The following NECAB2 variants were observed in gnomAD, a reference collection of about 807,000 sequenced individuals.
NECAB2 encodes the protein N-terminal EF-hand calcium-binding protein 2.
In NECAB2, 68 loss-of-function variants were observed where a neutral mutation model predicts 51.9. The ratio of observed to expected loss-of-function variants is 1.31; its 90% CI spans 1.08 to 1.60. NECAB2 has a LOEUF of 1.60. Ranked by LOEUF, NECAB2 falls within the 40% of genes most tolerant of loss-of-function variation. The probability of loss-of-function intolerance (pLI) is 0.00; values close to 1 mark genes in which losing one functional copy is unlikely to be tolerated. For synonymous variants in NECAB2, 329 were observed against 203.5 expected, an observed-to-expected ratio of 1.62 and a Z score of -5.25; for missense variants, 854 against 490.3, an observed-to-expected ratio of 1.74 and a Z score of -7.00.
At position 83,998,416 on chromosome 16, in the gene NECAB2, G is replaced by A. The variant is rs1165290963; in HGVS notation, c.962+99G>A. 6 of 1,144,424 alleles carry A rather than the reference G, an allele frequency of 5.2e-6. No homozygotes were observed. The African/African-American group carries it at 6.1e-5, about 12-fold the overall frequency. The allele number at this position is 1,144,424 out of a possible 1,614,324, so 70.9% of individuals were successfully genotyped here. On this transcript the variant is annotated intron_variant, in intron 10 of 12. Coordinates refer to ENST00000305202, the MANE Select transcript of NECAB2 (RefSeq NM_019065.3). ...CTAGGCTTTGCCCTAAGTAGTACAA[G>A]TTGCACCCCAGGGACACACACAGCT...
chr16:83,990,455 A>T (rs1180571699), intron 5 of NECAB2, 39 bp from the exon 6 acceptor site: 1 of 1,607,426 alleles, frequency 6.2e-7, no homozygotes, highest in African/African-American at 1.3e-5. Context: ...TTTCCCTCCC[A>T]CCCCTTTCCC....
At chr16:83,987,188 A>C (rs760022151) in intron 5 of NECAB2, among the ~76,000 whole-genome samples, 14 of 152,168 alleles carry the variant, frequency 9.2e-5, no homozygotes, top group Non-Finnish European at 1.5e-4. Context: ...TAGTAAACTT[A>C]GAAAAACAAG....
upstream of NECAB2, chr16:83,966,185 G>A: frequency 1.7e-6 from 1 of 600,620 alleles, no homozygotes; most frequent in Non-Finnish European, 2.9e-6. Flanking sequence ...AGTGTCTGAG[G>A]TGGTAACAGC....
rs527615899 is a variant in NECAB2 at position 83,979,419 on chromosome 16, A to T, written c.335+867A>T. ...GTAGAGTACAGTGGTGGTTTGGACC[A>T]GAGGCTGCGGCTGAGAGAGTCCTGG... On this transcript the variant is annotated intron_variant, in intron 3 of 12. Transcript: ENST00000305202. Among the ~76,000 whole-genome samples, 150 of 152,300 alleles carry T rather than the reference A, an allele frequency of 9.8e-4. 3 individuals carry two copies. The highest frequency in any genetic ancestry group is 3.3e-3 in the African/African-American group (138 of 41,566).
chr16:83,984,024 C>T (rs2084520827), intron 5 of NECAB2, among the ~76,000 whole-genome samples: 1 of 134,860 alleles, frequency 7.4e-6, no homozygotes, highest in Non-Finnish European at 1.5e-5. Flanking sequence ...TTGACGGAGT[C>T]TCGCTCTGTC....
chr16:83,989,921 C>G (rs914446234), intron 5 of NECAB2, among the ~76,000 whole-genome samples: 3 of 152,198 alleles, frequency 2.0e-5, no homozygotes, highest in Non-Finnish European at 2.9e-5. Flanking sequence ...GCCCCGGGCA[C>G]TTTCCTCCCT....
In NECAB2 at chr16:83,998,275, G is replaced by T; in HGVS notation, c.920G>T (p.Arg307Leu). The change falls in exon 10 of 13, where the codon CGC (arginine) becomes CTC (leucine). Residue 307 changes from arginine (R) to leucine (L), a missense_variant. Physicochemically the swap from Arg to Leu is moderately radical, Grantham distance 102 (BLOSUM62 -2). Coordinates refer to ENST00000305202, the MANE Select transcript of NECAB2 (RefSeq NM_019065.3). ...CTGAGCGAGTTTCTGGACTCTCTGC[G>T]CCAGTATCTGCGGGGGACCACTGGC... is the stretch of plus-strand genomic sequence containing the variant. ...EQLSEFLDSL[R>L]QYLRGTTGVR... 6.2e-7 allele frequency: 1 copy of T among 1,613,364 alleles called. No individual in the cohort carries two copies. The highest frequency in any genetic ancestry group is 2.2e-5 in the East Asian group (1 of 44,846).
chr16:83,983,934 C>T (rs567960154), intron 5 of NECAB2, among the ~76,000 whole-genome samples: 1 of 150,988 alleles, frequency 6.6e-6, no homozygotes, highest in South Asian at 2.1e-4. Context: ...ATTTTAAGGT[C>T]ATCTCTACTT....
At chr16:83,996,841 T>C (rs1169639431) in intron 8 of NECAB2, among the ~76,000 whole-genome samples, 1 of 152,146 alleles carries the variant, frequency 6.6e-6, no homozygotes, top group East Asian at 1.9e-4. Context: ...GCTTAGAGTC[T>C]GGGGAAGACC....
rs1465619790 is a variant in NECAB2 at position 83,968,538 on chromosome 16, G to C, written c.-111G>C. The C allele has an allele frequency of 2.0e-5, 18 of 878,528 alleles. No homozygotes were observed. The highest frequency in any genetic ancestry group is 2.4e-5 in the Non-Finnish European group (18 of 735,584). The allele number at this position is 878,528 out of a possible 1,614,324, so 54.4% of individuals were successfully genotyped here. On this transcript the variant is annotated 5_prime_UTR_variant, in exon 1 of 13. Coordinates refer to ENST00000305202, the MANE Select transcript of NECAB2 (RefSeq NM_019065.3). The stretch of plus-strand genomic sequence containing the variant: ...CGGTGTCCGCGGCCGCGGGGGCAGC[G>C]GGAGAGAGGGCGGGGCGGCGCGGGC...
chr16:83,987,095 A>G (rs2084566225), intron 5 of NECAB2, among the ~76,000 whole-genome samples: 1 of 152,200 alleles, frequency 6.6e-6, no homozygotes, highest in Non-Finnish European at 1.5e-5. Context: ...AAGTTCTCAA[A>G]TCCATCTTTC....
Position 84,002,443 on chromosome 16 carries a change from C to G in NECAB2, c.*97C>G. On this transcript the variant is annotated 3_prime_UTR_variant, in exon 13 of 13. Coordinates refer to ENST00000305202, the MANE Select transcript of NECAB2 (RefSeq NM_019065.3). ...GACAGACACTTTGGTGCAGAAGCTT[C>G]TTTTCAATCCATCCTCCACAAGAAG... is the stretch of plus-strand genomic sequence containing the variant. The G allele has an allele frequency of 4.1e-6, 6 of 1,450,688 alleles. No homozygotes were observed. Among genetic ancestry groups the G allele is most frequent in the Non-Finnish European group, 5.8e-6 (6 of 1,037,966 alleles). The allele number at this position is 1,450,688 out of a possible 1,614,324, so 89.9% of individuals were successfully genotyped here. A position where few individuals can be genotyped will look rare whatever the true frequency, so the allele number is the denominator to read the frequency against.
chr16:83,974,939 C>T (rs2084389783), intron 2 of NECAB2, among the ~76,000 whole-genome samples: 1 of 132,170 alleles, frequency 7.6e-6, no homozygotes, highest in African/African-American at 3.3e-5. Flanking sequence ...AACAGGTGTG[C>T]AGGGAGGTGT....
chr16:83,966,957 C>T (rs2084287989), upstream of NECAB2, among the ~76,000 whole-genome samples: 1 of 152,116 alleles, frequency 6.6e-6, no homozygotes, highest in Admixed American at 6.5e-5. Flanking sequence ...ACTACAACCT[C>T]TGCTTCTGGG....
intron 7 of NECAB2, 73 bp from the exon 8 acceptor site, chr16:83,994,536 A>T: frequency 6.2e-7 from 1 of 1,603,590 alleles, no homozygotes; most frequent in East Asian, 2.2e-5. Context: ...GAGGGGCTGG[A>T]TGTTTCCAGC....
At chr16:83,974,868 A>G (rs1483411721) in intron 2 of NECAB2, among the ~76,000 whole-genome samples, 1 of 151,322 alleles carries the variant, frequency 6.6e-6, no homozygotes, top group Non-Finnish European at 1.5e-5. Context: ...GCAGGTGTGC[A>G]GGGAGGTGTG....
Position 83,968,580 on chromosome 16 carries a change from C to A in NECAB2, c.-69C>A. 1.0e-6 allele frequency: 1 copy of A among 965,560 alleles called. No individual in the cohort carries two copies. Among genetic ancestry groups the A allele is most frequent in the East Asian group, 1.2e-4 (1 of 8,438 alleles). 59.8% of individuals were successfully genotyped at this position (965,560 alleles called of 1,614,324 possible). A position where few individuals can be genotyped will look rare whatever the true frequency, so the allele number is the denominator to read the frequency against. ...GGCGCGGGCAGCGCGGGGAGGGGGT[C>A]GCGCGGGGGCGGGCCGCAGCTGGGC... On this transcript the variant is annotated 5_prime_UTR_variant, in exon 1 of 13. Transcript: ENST00000305202.
chr16:83,990,665 G>T (rs375657404), intron 6 of NECAB2, 35 bp downstream of exon 6: 16 of 1,610,960 alleles, frequency 9.9e-6, no homozygotes, highest in African/African-American at 6.7e-5. Context: ...TCCCATGGGG[G>T]TATGCCGTGC....
chr16:83,978,646 G>A (rs2084447466), intron 3 of NECAB2, 94 bp downstream of exon 3: 2 of 1,102,854 alleles, frequency 1.8e-6, no homozygotes, highest in South Asian at 1.4e-5. Flanking sequence ...CCCCTGTAAG[G>A]GGCAGGAGAA....
Sources: gnomAD v4.1 joint callset for allele counts (sites outside exome capture counted in the v4.1 genomes callset) on GRCh38, gnomAD v4.1.1 for gene constraint, MANE v1.5 for transcripts, NCBI Gene and HGNC (gene_info 2026-07-23, HGNC 2026-07-21) for gene names.